Variants in TMEFF2 observed in about 807,000 individuals in gnomAD.
TMEFF2 encodes transmembrane protein with EGF like and two follistatin like domains 2.
Under a neutral mutation model 53.8 loss-of-function variants are expected in TMEFF2, and 28 were observed. That is an observed-to-expected ratio of 0.52 (90% CI 0.39 to 0.71). The LOEUF is 0.71. Among genes scored for constraint, TMEFF2 ranks in the 30% least tolerant of loss-of-function variants. The pLI, the probability that TMEFF2 is intolerant of heterozygous loss-of-function variation, is 0.00. For synonymous variants in TMEFF2, 162 were observed against 166.3 expected (o/e 0.97, Z 0.20); for missense variants, 353 against 455.2 (o/e 0.78, Z 2.04).
chr2:192,105,188 T>C (rs1689117724), intron 4 of TMEFF2, among the ~76,000 whole-genome samples: 1 of 151,982 alleles, frequency 6.6e-6, no homozygotes, highest in Non-Finnish European at 1.5e-5. Context: ...CCCCAAATTA[T>C]TTCAATGTTC....
chr2:192,185,592 A>G (rs577837038), intron 2 of TMEFF2, among the ~76,000 whole-genome samples: 1 of 152,186 alleles, frequency 6.6e-6, no homozygotes, highest in South Asian at 2.1e-4. Flanking sequence ...TAAAGTTTAA[A>G]TATATGTGAT....
chr2:192,064,653 G>A (rs1461137883), intron 4 of TMEFF2, among the ~76,000 whole-genome samples: 1 of 151,796 alleles, frequency 6.6e-6, no homozygotes, highest in Non-Finnish European at 1.5e-5. Context: ...TGCCATAGCT[G>A]CATGACTTGC....
intron 5 of TMEFF2, 34 bp downstream of exon 5, chr2:192,057,645 T>C (rs1342062230): frequency 1.3e-6 from 2 of 1,548,442 alleles, no homozygotes; most frequent in South Asian, 2.2e-5. Flanking sequence ...TCACTGTCAT[T>C]ATTTTGTCTA....
At chr2:192,131,563 C>T (rs1181040377) in intron 4 of TMEFF2, among the ~76,000 whole-genome samples, 1 of 152,026 alleles carries the variant, frequency 6.6e-6, no homozygotes, top group Middle Eastern at 3.2e-3. Flanking sequence ...CACACCCCAA[C>T]CTCTTATCTC....
At chr2:192,023,943 A>G (rs1686914613) in intron 5 of TMEFF2, among the ~76,000 whole-genome samples, 1 of 152,204 alleles carries the variant, frequency 6.6e-6, no homozygotes, top group Admixed American at 6.5e-5. Flanking sequence ...AAAGATTAAC[A>G]CTAAATAGAG....
At chr2:192,175,489 T>C (rs1691018991) in intron 4 of TMEFF2, among the ~76,000 whole-genome samples, 1 of 151,616 alleles carries the variant, frequency 6.6e-6, no homozygotes, top group African/African-American at 2.4e-5. Flanking sequence ...ACCAAATTTA[T>C]CATAACAACA....
chr2:192,111,068 C>G (rs1419271205), intron 4 of TMEFF2, among the ~76,000 whole-genome samples: 1 of 152,002 alleles, frequency 6.6e-6, no homozygotes, highest in Non-Finnish European at 1.5e-5. Flanking sequence ...ATTACCCAGT[C>G]TCAGGTATGT....
chr2:192,167,480 T>C (rs1173485324), intron 4 of TMEFF2, among the ~76,000 whole-genome samples: 2 of 152,190 alleles, frequency 1.3e-5, no homozygotes, highest in African/African-American at 4.8e-5. Flanking sequence ...TCCATCTTTT[T>C]TTCCCTTACT....
At chr2:192,038,520 T>A (rs1352944374) in intron 5 of TMEFF2, among the ~76,000 whole-genome samples, 1 of 152,150 alleles carries the variant, frequency 6.6e-6, no homozygotes, top group East Asian at 1.9e-4. Flanking sequence ...TTCTTTCTTT[T>A]TTTATTTATT....
chr2:191,988,776 A>C (rs1686036721), intron 7 of TMEFF2, among the ~76,000 whole-genome samples: 2 of 139,406 alleles, frequency 1.4e-5, no homozygotes, highest in Non-Finnish European at 3.1e-5. Context: ...AAGATGTGAA[A>C]GAAAGATTAA....
intron 4 of TMEFF2, among the ~76,000 whole-genome samples, chr2:192,075,310 T>TATATATAA (rs1553518819): frequency 2.7e-5 from 2 of 74,914 alleles, no homozygotes; most frequent in East Asian, 4.0e-4. Flanking sequence ...TATATATATA[T>TATATATAA]ATATATATAT....
intron 4 of TMEFF2, among the ~76,000 whole-genome samples, chr2:192,116,232 T>C (rs573946268): frequency 2.2e-4 from 33 of 152,086 alleles, no homozygotes; most frequent in African/African-American, 7.7e-4. Flanking sequence ...AAATAAGCTA[T>C]ACACAGACAA....
chr2:191,998,174 T>C, intron 7 of TMEFF2, 88 bp downstream of exon 7: 1 of 1,042,748 alleles, frequency 9.6e-7, no homozygotes, highest in Middle Eastern at 2.1e-4. Flanking sequence ...CTTGCAAGCT[T>C]CACTTTGGAA....
At chr2:192,073,121 G>T (rs1470246569) in intron 4 of TMEFF2, among the ~76,000 whole-genome samples, 1 of 151,956 alleles carries the variant, frequency 6.6e-6, no homozygotes, top group Non-Finnish European at 1.5e-5. Context: ...GATGGTTGAG[G>T]TAGTGATTTC....
intron 5 of TMEFF2, among the ~76,000 whole-genome samples, chr2:192,047,270 G>A (rs1267061075): frequency 2.0e-5 from 3 of 152,152 alleles, no homozygotes; most frequent in Non-Finnish European, 2.9e-5. Context: ...TTTTGCTAAT[G>A]TGAAGCTAAT....
At position 191,950,029 on chromosome 2, in the gene TMEFF2, A is replaced by ACTGAGTATTTATTATATAT; in HGVS notation, c.*263_*281dup. The ACTGAGTATTTATTATATAT allele has an allele frequency of 8.8e-7, 1 of 1,134,242 alleles. No homozygotes were observed. The highest frequency in any genetic ancestry group is 1.1e-6 in the Non-Finnish European group (1 of 917,832). 70.3% of individuals were successfully genotyped at this position (1,134,242 alleles called of 1,614,324 possible). ...TTAAGAATGCCAATTTTTTCTCATC[A>ACTGAGTATTTATTATATAT]CTGAGTATTTATTATATATAACAAA... is the stretch of plus-strand genomic sequence containing the variant. On this transcript the variant is annotated 3_prime_UTR_variant, in exon 10 of 10. Transcript: ENST00000272771.
At chr2:192,086,543 A>G (rs1257874112) in intron 4 of TMEFF2, among the ~76,000 whole-genome samples, 1 of 152,076 alleles carries the variant, frequency 6.6e-6, no homozygotes, top group Non-Finnish European at 1.5e-5. Flanking sequence ...GTAACACTTC[A>G]AAAAAGGTAA....
At chr2:191,971,356 C>T (rs1328404102) in intron 7 of TMEFF2, among the ~76,000 whole-genome samples, 2 of 152,162 alleles carry the variant, frequency 1.3e-5, no homozygotes, top group Non-Finnish European at 2.9e-5. Context: ...TGGAGAGAGT[C>T]AAACTTCTAT....
intron 5 of TMEFF2, chr2:192,036,695 C>T (rs1333630580): frequency 1.3e-5 from 2 of 152,234 alleles, no homozygotes; most frequent in Non-Finnish European, 2.9e-5. Context: ...GGGCTCCTGA[C>T]ACACTGACCT....
Sources: allele counts gnomAD v4.1 joint callset (sites outside exome capture counted in the v4.1 genomes callset), GRCh38; gene constraint gnomAD v4.1.1; transcripts MANE v1.5; gene names NCBI Gene and HGNC (gene_info 2026-07-23, HGNC 2026-07-21).